PAM: variants seen among roughly 807,000 people sequenced by gnomAD.
PAM encodes the protein peptidyl-glycine alpha-amidating monooxygenase.
Under a neutral mutation model 122.1 loss-of-function variants are expected in PAM, and 72 were observed. The observed-to-expected ratio is 0.59, with a 90% CI of 0.49 to 0.72. PAM has a LOEUF of 0.72. PAM is among the 30% of genes least tolerant of loss of function. The pLI, the probability that PAM is intolerant of heterozygous loss-of-function variation, is 0.00. For missense variants in PAM, 1,106 were observed against 1,183.7 expected (o/e 0.93, Z 0.96); for synonymous variants, 389 against 404.4 (o/e 0.96, Z 0.46).
chr5:102,850,483 A>G (rs976312258), intron 1 of PAM, among the ~76,000 whole-genome samples: 1 of 152,150 alleles, frequency 6.6e-6, no homozygotes, highest in Non-Finnish European at 1.5e-5. Context: ...TTAAGTCCCT[A>G]TTAGAGGGCT....
intron 1 of PAM, among the ~76,000 whole-genome samples, chr5:102,795,485 G>A (rs1470192788): frequency 6.6e-6 from 1 of 152,180 alleles, no homozygotes; most frequent in African/African-American, 2.4e-5. Context: ...TTTAATTTGC[G>A]TGTACAGATT....
At chr5:103,026,815 G>T (rs1257394079) in intron 24 of PAM, among the ~76,000 whole-genome samples, 2 of 152,198 alleles carry the variant, frequency 1.3e-5, no homozygotes. Flanking sequence ...TAAATACACA[G>T]AGTAGTAGGA....
intron 12 of PAM, among the ~76,000 whole-genome samples, chr5:102,952,472 C>G (rs771882356): frequency 2.1e-3 from 321 of 151,654 alleles, no homozygotes; most frequent in Non-Finnish European, 2.1e-3. Context: ...AAAGGAAACA[C>G]CATTTTGTAA....
At chr5:103,014,896 T>C (rs912733615) in intron 21 of PAM, among the ~76,000 whole-genome samples, 1 of 152,192 alleles carries the variant, frequency 6.6e-6, no homozygotes, top group African/African-American at 2.4e-5. Context: ...TTATCTGCTT[T>C]TATACACACC....
At chr5:103,019,307 C>T (rs1039325745) in intron 22 of PAM, among the ~76,000 whole-genome samples, 1 of 152,236 alleles carries the variant, frequency 6.6e-6, no homozygotes, top group Non-Finnish European at 1.5e-5. Flanking sequence ...GAGAAGCCCT[C>T]TGCATAGCGC....
chr5:102,832,512 A>C (rs1454034306), intron 1 of PAM, among the ~76,000 whole-genome samples: 1 of 152,132 alleles, frequency 6.6e-6, no homozygotes, highest in Non-Finnish European at 1.5e-5. Flanking sequence ...TTAATTTATA[A>C]ATTGGGACTG....
intron 1 of PAM, among the ~76,000 whole-genome samples, chr5:102,820,552 A>G (rs1422767156): frequency 6.6e-6 from 1 of 152,164 alleles, no homozygotes; most frequent in African/African-American, 2.4e-5. Flanking sequence ...GAAAAATGGT[A>G]TTTTTAAGAA....
At chr5:103,019,873 A>G in intron 23 of PAM, 30 bp downstream of exon 23, 1 of 1,392,564 alleles carries the variant, frequency 7.2e-7, no homozygotes, top group South Asian at 1.2e-5. Context: ...TTACTATAAA[A>G]CCAAAGTCTG....
rs770112116 is a variant in PAM, at chr5:103,009,799, C to T, written c.2264C>T (p.Pro755Leu). The T allele has an allele frequency of 1.2e-6, 2 of 1,612,726 alleles. No homozygotes were observed. Among genetic ancestry groups the T allele is most frequent in the Admixed American group, 1.7e-5 (1 of 59,992 alleles). Residue 755 changes from proline to leucine, a missense_variant, in exon 21 of 26, where the codon CCT (proline) becomes CTT (leucine). Coordinates refer to ENST00000438793, the MANE Select transcript of PAM (RefSeq NM_001177306.2). Reference sequence around the variant, plus strand: ...AAGCCTCATTTTGGGGACCAAGAACCTGTACAAGGATTTGTGATGAACTTT... The same window carrying T: ...AAGCCTCATTTTGGGGACCAAGAACTTGTACAAGGATTTGTGATGAACTTT... ...NGKPHFGDQE[P>L]VQGFVMNFSN...
chr5:102,790,350 C>T (rs1761731820), intron 1 of PAM, among the ~76,000 whole-genome samples: 1 of 152,058 alleles, frequency 6.6e-6, no homozygotes, highest in South Asian at 2.1e-4. Flanking sequence ...GGCTGAAAGA[C>T]TGCCTCTAGG....
At chr5:103,028,095 A>G in intron 24 of PAM, 90 bp from the exon 25 acceptor site, 3 of 935,838 alleles carry the variant, frequency 3.2e-6, no homozygotes, top group African/African-American at 3.3e-5. Context: ...TTTATCATTT[A>G]CCAGTTCCTA....
At chr5:102,875,965 A>G (rs1423820541) in intron 3 of PAM, among the ~76,000 whole-genome samples, 1 of 152,218 alleles carries the variant, frequency 6.6e-6, no homozygotes, top group South Asian at 2.1e-4. Flanking sequence ...AAAAATACCA[A>G]TGCAAGGTTA....
rs563805083 is a variant in PAM at position 102,925,245 on chromosome 5, T to C, written c.442+203T>C. Among the ~76,000 whole-genome samples the C allele has an allele frequency of 6.6e-5, 10 of 152,346 alleles. No individual in the cohort carries two copies. The South Asian group carries it at 1.0e-3, about 16-fold the overall frequency. On this transcript the variant is annotated intron_variant, in intron 6 of 25. Transcript: ENST00000438793. ...TTTTCTGCCTCTCTTTGGTAAGTAGTTTGCCCACACAACAGTTTAGATAAA... is the reference window on the plus strand; with the variant it reads ...TTTTCTGCCTCTCTTTGGTAAGTAGCTTGCCCACACAACAGTTTAGATAAA...
At chr5:102,855,113 A>G (rs1179216139) in intron 1 of PAM, among the ~76,000 whole-genome samples, 1 of 152,196 alleles carries the variant, frequency 6.6e-6, no homozygotes, top group Non-Finnish European at 1.5e-5. Context: ...TGACTTCCAG[A>G]TTATCTAGTT....
In PAM at chr5:103,025,026, A is replaced by G. The variant is rs1784556932; in HGVS notation, c.2486-105A>G. 2.2e-5 allele frequency: 17 copies of G among 760,628 alleles called. No individual in the cohort carries two copies. The South Asian group carries it at 2.4e-4, about 11-fold the overall frequency. 47.1% of individuals were successfully genotyped at this position (760,628 alleles called of 1,614,324 possible). ...ATGAAACCCCTGTACACTGGAGTCA[A>G]CAAGTTCTTTGTGAACAGTTATTGA... On this transcript the variant is annotated intron_variant, in intron 23 of 25. Transcript: ENST00000438793.
intron 14 of PAM, among the ~76,000 whole-genome samples, chr5:102,969,479 T>C (rs1362522904): frequency 2.0e-5 from 3 of 152,040 alleles, no homozygotes; most frequent in Non-Finnish European, 4.4e-5. Context: ...GGGGGTCCTT[T>C]CTGAGGAAGG....
At chr5:102,944,278 C>A (rs1756247144) in intron 7 of PAM, among the ~76,000 whole-genome samples, 1 of 151,948 alleles carries the variant, frequency 6.6e-6, no homozygotes, top group South Asian at 2.1e-4. Context: ...AGAGAACAAC[C>A]ACTATGAAAA....
At chr5:103,001,019 G>GACAC in intron 16 of PAM, among the ~76,000 whole-genome samples, 1 of 152,188 alleles carries the variant, frequency 6.6e-6, no homozygotes, top group Non-Finnish European at 1.5e-5. Flanking sequence ...TTTGGGTGGG[G>GACAC]ACACAGCCAA....
At chr5:102,966,813 T>C (rs963403470) in intron 14 of PAM, among the ~76,000 whole-genome samples, 1 of 152,100 alleles carries the variant, frequency 6.6e-6, no homozygotes, top group Non-Finnish European at 1.5e-5. Context: ...CCTTATATTA[T>C]AGAAATTGCA....
Sources: gnomAD v4.1 joint callset for allele counts (sites outside exome capture counted in the v4.1 genomes callset) on GRCh38, gnomAD v4.1.1 for gene constraint, MANE v1.5 for transcripts, NCBI Gene and HGNC (gene_info 2026-07-23, HGNC 2026-07-21) for gene names.